Variants in CLIP3 observed in about 807,000 individuals in gnomAD.
The protein encoded by CLIP3 is CAP-Gly domain containing linker protein 3, also known as CAP-Gly domain-containing linker protein 3.
CLIP3 carries 15 observed loss-of-function variants against 59.4 expected under a neutral mutation model. The observed-to-expected ratio is 0.25, with a 90% CI of 0.17 to 0.39. CLIP3 has a LOEUF of 0.39. Among genes scored for constraint, CLIP3 ranks in the 10% least tolerant of loss-of-function variants. CLIP3 has a pLI of 1.00. For synonymous variants in CLIP3, 300 were observed against 321.6 expected (o/e 0.93, Z 0.72); for missense variants, 495 against 765.7 (o/e 0.65, Z 4.17).
At position 36,017,089 on chromosome 19, in the gene CLIP3, T is replaced by A. The variant is rs896656766; in HGVS notation, c.1517-110A>T. 6 of 1,147,984 alleles carry A rather than the reference T, an allele frequency of 5.2e-6. No homozygotes were observed. The African/African-American group carries it at 9.2e-5, about 18-fold the overall frequency. The allele number at this position is 1,147,984 out of a possible 1,614,324, so 71.1% of individuals were successfully genotyped here. On this transcript the variant is annotated intron_variant, in intron 12 of 13. Transcript: ENST00000360535. ...CCTCCCCATGTCTCCAGTCCCCACC[T>A]GGATCCTACATTCCCAATACCCATC...
In CLIP3 at chr19:36,024,293, C is replaced by G. The variant is rs565011768; in HGVS notation, c.918+103G>C. 4 of 954,092 alleles carry G rather than the reference C, an allele frequency of 4.2e-6. No individual in the cohort carries two copies. In the Admixed American group the frequency reaches 7.2e-5, roughly 17 times the overall value. The allele number at this position is 954,092 out of a possible 1,614,324, so 59.1% of individuals were successfully genotyped here. On this transcript the variant is annotated intron_variant, in intron 7 of 13. Transcript: ENST00000360535. ...GTGGATAGTTAGGGCGGCAAGTAGACAAAGGGCAGGGACTGCACTCTGCCC... is the reference window on the plus strand; with the variant it reads ...GTGGATAGTTAGGGCGGCAAGTAGAGAAAGGGCAGGGACTGCACTCTGCCC...
intron 7 of CLIP3, among the ~76,000 whole-genome samples, chr19:36,022,124 C>A (rs1218910203): frequency 6.6e-6 from 1 of 151,332 alleles, no homozygotes; most frequent in East Asian, 2.0e-4. Context: ...TCGTGATCCG[C>A]CCACCTCTGC....
At chr19:36,031,747 G>A (rs902665413) in intron 2 of CLIP3, among the ~76,000 whole-genome samples, 1 of 152,126 alleles carries the variant, frequency 6.6e-6, no homozygotes, top group African/African-American at 2.4e-5. Flanking sequence ...ATAATGTCTT[G>A]TAATTACATA....
At chr19:36,023,899 C>T (rs992375104) in intron 7 of CLIP3, among the ~76,000 whole-genome samples, 1 of 152,140 alleles carries the variant, frequency 6.6e-6, no homozygotes, top group Non-Finnish European at 1.5e-5. Context: ...TCTCTCTGCC[C>T]TCTCAGCTGT....
rs191206537 is a variant in CLIP3 at position 36,015,946 on chromosome 19, G to A, written c.*212C>T. 5.7e-4 allele frequency: 348 copies of A among 608,370 alleles called. 3 individuals are homozygous for A. In the East Asian group the frequency reaches 8.6e-3, roughly 15 times the overall value. The allele number at this position is 608,370 out of a possible 1,614,324, so 37.7% of individuals were successfully genotyped here. A position where few individuals can be genotyped will look rare whatever the true frequency, so the allele number is the denominator to read the frequency against. On this transcript the variant is annotated 3_prime_UTR_variant, in exon 14 of 14. Transcript: ENST00000360535. ...GGACTAGCCTGAAGGTGCTACTCAG[G>A]GAATCTCTTTCTGGGTGACATGGGG... is the stretch of plus-strand genomic sequence containing the variant.
chr19:36,029,832 C>A (rs146532427), intron 2 of CLIP3, among the ~76,000 whole-genome samples: 2,416 of 152,178 alleles, frequency 0.016, 23 homozygotes, highest in Middle Eastern at 0.051. Flanking sequence ...TGGAGTCCAC[C>A]TTAGCCTTCT....
intron 2 of CLIP3, among the ~76,000 whole-genome samples, chr19:36,030,465 ACT>A (rs1203059851): frequency 6.6e-6 from 1 of 151,964 alleles, no homozygotes; most frequent in African/African-American, 2.4e-5. Context: ...GGCAACGCTG[ACT>A]CTCTGAACCT....
rs1969288127 is a variant in CLIP3 at position 36,032,333 on chromosome 19, T to A, written c.25A>T (p.Met9Leu). 7.9e-7 allele frequency: 1 copy of A among 1,270,516 alleles called. No individual in the cohort carries two copies. The allele number at this position is 1,270,516 out of a possible 1,614,324, so 78.7% of individuals were successfully genotyped here. The change falls in exon 2 of 14, where the codon ATG (methionine) becomes TTG (leucine). Residue 9 changes from methionine (M) to leucine (L), a missense_variant. Coordinates refer to ENST00000360535, the MANE Select transcript of CLIP3 (RefSeq NM_015526.3). This position sits in a 1 kb window ranked among gnomAD's most constrained non-coding sequence, Gnocchi z 4.3. ...TCCTCTCCTCGGGGTGGCGGGGCCATCGGGGCAGGATCTGTCTTAGTCATG... is the reference window on the plus strand; with the variant it reads ...TCCTCTCCTCGGGGTGGCGGGGCCAACGGGGCAGGATCTGTCTTAGTCATG... The part of the protein sequence containing the change: MTKTDPAP[M>L]APPPRGEEEE...
At position 36,026,219 on chromosome 19, in the gene CLIP3, G is replaced by A; in HGVS notation, c.609C>T (p.His203=). The A allele has an allele frequency of 6.2e-7, 1 of 1,613,814 alleles. No homozygotes were observed. Among genetic ancestry groups the A allele is most frequent in the South Asian group, 1.1e-5 (1 of 91,064 alleles). Reference sequence around the variant, plus strand: ...CCAGGCACAGGCTGGAAGCAGCGATGTGCAGGGCTGAGCCGTGGTTGAAGT... The same window carrying A: ...CCAGGCACAGGCTGGAAGCAGCGATATGCAGGGCTGAGCCGTGGTTGAAGT... The part of the protein sequence containing the change: ...CSDFNHGSAL[H]IAASSLCLGA... The change falls in exon 6 of 14, where the codon CAC becomes CAT. Residue 203 remains histidine, a synonymous_variant. Coordinates refer to ENST00000360535, the MANE Select transcript of CLIP3 (RefSeq NM_015526.3). This position sits in a 1 kb window ranked among gnomAD's most constrained non-coding sequence, Gnocchi z 6.3.
Position 36,015,097 on chromosome 19 carries a change from A to G in CLIP3, c.*1061T>C, listed in dbSNP as rs760778389. The stretch of plus-strand genomic sequence containing the variant: ...TGAGGTGTCTGGGAGCCTGGAATGC[A>G]TATCCTGACTGCAGTCTCCTCCATA... On this transcript the variant is annotated 3_prime_UTR_variant, in exon 14 of 14. Coordinates refer to ENST00000360535, the MANE Select transcript of CLIP3 (RefSeq NM_015526.3). 1 of 152,104 alleles carries G rather than the reference A, an allele frequency of 6.6e-6. No homozygotes were observed. Among genetic ancestry groups the G allele is most frequent in the Non-Finnish European group, 1.5e-5 (1 of 68,020 alleles). 9.4% of individuals were successfully genotyped at this position (152,104 alleles called of 1,614,324 possible).
At position 36,021,072 on chromosome 19, in the gene CLIP3, A is replaced by G. The variant is rs369744728; in HGVS notation, c.919-1766T>C. On this transcript the variant is annotated intron_variant, in intron 7 of 13. Transcript: ENST00000360535. Reference sequence around the variant, plus strand: ...CTTTTGTTAAAAATAGAAATGGAGTATCCCTATGTTGCCCAGGTTAGTTTC... The same window carrying G: ...CTTTTGTTAAAAATAGAAATGGAGTGTCCCTATGTTGCCCAGGTTAGTTTC... 7.9e-5 allele frequency among the ~76,000 whole-genome samples: 12 copies of G among 152,250 alleles called. No individual in the cohort carries two copies. The South Asian group carries it at 1.9e-3, about 24-fold the overall frequency.
chr19:36,021,533 C>T (rs1301476669), intron 7 of CLIP3, among the ~76,000 whole-genome samples: 1 of 152,112 alleles, frequency 6.6e-6, no homozygotes, highest in Non-Finnish European at 1.5e-5. Flanking sequence ...AAGCGATCCT[C>T]TCACTTCAGC....
chr19:36,017,612 C>CCAAA, intron 11 of CLIP3, 43 bp downstream of exon 11: 13 of 1,611,972 alleles, frequency 8.1e-6, no homozygotes, highest in African/African-American at 6.7e-5. Flanking sequence ...GGGATCAGGG[C>CCAAA]TCCAGGTGGT....
chr19:36,016,896 T>C lies in CLIP3; in HGVS notation c.1589+11A>G. ...GTCACATAGGAGAGGGGACAGGGGT[T>C]GGCCACACACCTGGAAATGGAGTTC... On this transcript the variant is annotated intron_variant, in intron 13 of 13. Coordinates refer to ENST00000360535, the MANE Select transcript of CLIP3 (RefSeq NM_015526.3). The surrounding 1 kb of genome is among the most constrained non-coding windows in gnomAD (Gnocchi z 4.1). The C allele has an allele frequency of 6.2e-7, 1 of 1,613,386 alleles. No homozygotes were observed. Among genetic ancestry groups the C allele is most frequent in the Non-Finnish European group, 8.5e-7 (1 of 1,179,630 alleles).
rs1353892215 is a variant in CLIP3, at chr19:36,017,650, C to T, written c.1451+5G>A. 1 of 1,613,862 alleles carries T rather than the reference C, an allele frequency of 6.2e-7. No individual in the cohort carries two copies. Among genetic ancestry groups the T allele is most frequent in the Non-Finnish European group, 8.5e-7 (1 of 1,179,920 alleles). ...CCTGGGTTTGGGCTGGAAGTTTGGG[C>T]TCACCTCTGAATACGGGATGCTGGT... On this transcript the variant is annotated splice_donor_5th_base_variant and intron_variant, in intron 11 of 13. Coordinates refer to ENST00000360535, the MANE Select transcript of CLIP3 (RefSeq NM_015526.3).
chr19:36,024,710 C>T, intron 6 of CLIP3, 78 bp from the exon 7 acceptor site: 2 of 1,381,490 alleles, frequency 1.4e-6, no homozygotes, highest in Non-Finnish European at 2.0e-6. Flanking sequence ...CCCTAGAGAC[C>T]ACCAGTCTGG....
At chr19:36,024,118 C>G (rs1220968240) in intron 7 of CLIP3, among the ~76,000 whole-genome samples, 5 of 152,242 alleles carry the variant, frequency 3.3e-5, no homozygotes, top group African/African-American at 1.2e-4. Flanking sequence ...GCGCAGATCA[C>G]TCTGCTCACC....
chr19:36,022,190 G>T (rs1322555038), intron 7 of CLIP3, among the ~76,000 whole-genome samples: 1 of 152,068 alleles, frequency 6.6e-6, no homozygotes, highest in East Asian at 1.9e-4. Context: ...AATTAGTGCT[G>T]ATCTTAAGAG....
At chr19:36,030,376 C>T (rs995162958) in intron 2 of CLIP3, among the ~76,000 whole-genome samples, 4 of 152,150 alleles carry the variant, frequency 2.6e-5, no homozygotes, top group Non-Finnish European at 2.9e-5. Flanking sequence ...TTCTATTAGA[C>T]TGAAGTCAAC....
Sources: allele counts gnomAD v4.1 joint callset (sites outside exome capture counted in the v4.1 genomes callset), GRCh38; gene constraint gnomAD v4.1.1; non-coding constraint Gnocchi (gnomAD v3.1); transcripts MANE v1.5; gene names NCBI Gene and HGNC (gene_info 2026-07-23, HGNC 2026-07-21).